URAD: variants seen among roughly 807,000 people sequenced by gnomAD.
URAD encodes putative 2-oxo-4-hydroxy-4-carboxy-5-ureidoimidazoline decarboxylase.
In URAD, 4 loss-of-function variants were observed where a neutral mutation model predicts 4.6. The observed-to-expected ratio is 0.87, with a 90% CI of 0.43 to 1.98. URAD has a LOEUF of 1.98. URAD is among the 30% of genes most tolerant of loss of function. The pLI, the probability that URAD is intolerant of heterozygous loss-of-function variation, is 0.03. For missense variants in URAD, 300 were observed against 255.3 expected (o/e 1.18, Z -1.19); for synonymous variants, 144 against 118.2 (o/e 1.22, Z -1.41).
chr13:27,988,209 G>A (rs1347533214), intron 1 of URAD, among the ~76,000 whole-genome samples: 5 of 152,002 alleles, frequency 3.3e-5, no homozygotes, highest in South Asian at 2.1e-4. Flanking sequence ...CACCCACCTC[G>A]GCCTCCCAAA....
chr13:27,988,336 C>T, intron 1 of URAD, 127 bp downstream of exon 1: 1 of 903,112 alleles, frequency 1.1e-6, no homozygotes. Context: ...AAGTGATCCT[C>T]CCATCTCAGC....
chr13:27,981,028 C>CTCTCCT (rs149754765), intron 1 of URAD, among the ~76,000 whole-genome samples: 10 of 117,216 alleles, frequency 8.5e-5, no homozygotes, highest in Middle Eastern at 8.4e-3. Context: ...CTCTCTCTCT[C>CTCTCCT]CTCTCTCTCT....
intron 1 of URAD, among the ~76,000 whole-genome samples, chr13:27,981,201 G>T (rs909474073): frequency 2.0e-5 from 3 of 152,150 alleles, no homozygotes; most frequent in Non-Finnish European, 4.4e-5. Flanking sequence ...CATCGGGAAT[G>T]GTGTCTATGT....
intron 1 of URAD, among the ~76,000 whole-genome samples, chr13:27,985,322 G>A (rs1869994902): frequency 6.6e-6 from 1 of 151,942 alleles, no homozygotes; most frequent in Non-Finnish European, 1.5e-5. Context: ...GCTGGGCATG[G>A]TGGCAGGTGC....
intron 1 of URAD, among the ~76,000 whole-genome samples, chr13:27,982,095 T>C (rs1301549213): frequency 6.6e-6 from 1 of 151,924 alleles, no homozygotes. Context: ...TTTCTCAACC[T>C]CTCCAGACCA....
chr13:27,978,463 GCA>G lies in URAD; in HGVS notation c.176-13_176-12del. On this transcript the variant is annotated splice_polypyrimidine_tract_variant and intron_variant, in intron 1 of 1. Transcript: ENST00000332715. ...GGATGCCCTCCTGGCCTGCGGAGAA[GCA>G]CAGACACCGGCGGGAGCGCGTCAAC... is the stretch of plus-strand genomic sequence containing the variant. The G allele has an allele frequency of 1.5e-6, 2 of 1,312,752 alleles. No homozygotes were observed. Among genetic ancestry groups the G allele is most frequent in the Non-Finnish European group, 1.9e-6 (2 of 1,035,892 alleles). 81.3% of individuals were successfully genotyped at this position (1,312,752 alleles called of 1,614,324 possible).
In URAD at chr13:27,977,931, T is replaced by A. The variant is rs1386910059; in HGVS notation, c.*175A>T. ...TTTTGGCAACGCGTGCGCGTGTGGG[T>A]GGGCGGACAAAAGGACTCATTACTC... On this transcript the variant is annotated 3_prime_UTR_variant, in exon 2 of 2. Coordinates refer to ENST00000332715, the MANE Select transcript of URAD (RefSeq NM_001105577.2). The A allele has an allele frequency of 3.7e-6, 2 of 539,542 alleles. No homozygotes were observed. Among genetic ancestry groups the A allele is most frequent in the Admixed American group, 4.3e-5 (1 of 23,066 alleles). 33.4% of individuals were successfully genotyped at this position (539,542 alleles called of 1,614,324 possible). A position where few individuals can be genotyped will look rare whatever the true frequency, so the allele number is the denominator to read the frequency against.
chr13:27,978,050 G>C lies in URAD; in HGVS notation c.*56C>G, dbSNP rs1869758895. On this transcript the variant is annotated 3_prime_UTR_variant, in exon 2 of 2. Transcript: ENST00000332715. ...CTCCCGCCCAGGACGCACAGCTCCG[G>C]GCCGTGGCCCCCGCGCGTCCGGTTG... The C allele has an allele frequency of 1.5e-6, 2 of 1,371,674 alleles. No homozygotes were observed. The highest frequency in any genetic ancestry group is 6.9e-5 in the Admixed American group (2 of 29,080). The allele number at this position is 1,371,674 out of a possible 1,614,324, so 85.0% of individuals were successfully genotyped here.
In URAD at chr13:27,978,289, C is replaced by A; in HGVS notation, c.339G>T (p.Ala113=). The A allele has an allele frequency of 7.1e-7, 1 of 1,414,592 alleles. No homozygotes were observed. The highest frequency in any genetic ancestry group is 1.5e-5 in the South Asian group (1 of 66,620). 87.6% of individuals were successfully genotyped at this position (1,414,592 alleles called of 1,614,324 possible). A position where few individuals can be genotyped will look rare whatever the true frequency, so the allele number is the denominator to read the frequency against. Residue 113 remains alanine (A), a synonymous_variant, in exon 2 of 2, where the codon GCG becomes GCT. Coordinates refer to ENST00000332715, the MANE Select transcript of URAD (RefSeq NM_001105577.2). Reference sequence around the variant, plus strand: ...CGAGCACGAAGGGGAAACCGAAGCGCGCGCGGTACTGCGCGTTGAGCTCGG... The same window carrying A: ...CGAGCACGAAGGGGAAACCGAAGCGAGCGCGGTACTGCGCGTTGAGCTCGG... ...RLAELNAQYR[A]RFGFPFVLAA... is the part of the protein sequence containing the mutation.
At chr13:27,978,547 TGCCCC>T (rs1311469272) in intron 1 of URAD, 95 bp from the exon 2 acceptor site, 27 of 960,022 alleles carry the variant, frequency 2.8e-5, no homozygotes, top group African/African-American at 1.0e-4. Context: ...CCGGCCCCCC[TGCCCC>T]GCCCCGCCCC....
intron 1 of URAD, among the ~76,000 whole-genome samples, chr13:27,985,108 A>G (rs1869988655): frequency 6.6e-6 from 1 of 152,226 alleles, no homozygotes; most frequent in South Asian, 2.1e-4. Context: ...AAGCTTTTTA[A>G]TATATCTATC....
At chr13:27,979,923 C>T (rs2137555004) in intron 1 of URAD, among the ~76,000 whole-genome samples, 1 of 152,272 alleles carries the variant, frequency 6.6e-6, no homozygotes, top group Middle Eastern at 3.4e-3. Flanking sequence ...TAGTGACCTG[C>T]CTAGGGTCAC....
intron 1 of URAD, among the ~76,000 whole-genome samples, chr13:27,983,950 C>T (rs746532462): frequency 2.6e-5 from 4 of 152,202 alleles, no homozygotes; most frequent in Non-Finnish European, 5.9e-5. Context: ...TTATAAGGAA[C>T]TTATTAGTAT....
chr13:27,988,610 C>T lies in URAD; in HGVS notation c.28G>A (p.Asp10Asn). ...AACACATCCACGAATTCTCCAAGGT[C>T]CATGGAGTTGACCTTCTCAATGTCC... MDIEKVNSM[D>N]LGEFVDVFGN... Residue 10 changes from aspartate (D) to asparagine (N), a missense_variant, in exon 1 of 2, where the codon GAC becomes AAC. Coordinates refer to ENST00000332715, the MANE Select transcript of URAD (RefSeq NM_001105577.2). 6.2e-7 allele frequency: 1 copy of T among 1,612,176 alleles called. No homozygotes were observed. The highest frequency in any genetic ancestry group is 8.5e-7 in the Non-Finnish European group (1 of 1,179,028).
At chr13:27,988,044 C>T (rs958909498) in intron 1 of URAD, among the ~76,000 whole-genome samples, 1 of 152,152 alleles carries the variant, frequency 6.6e-6, no homozygotes, top group Non-Finnish European at 1.5e-5. Context: ...CTGCAATCTC[C>T]GCTTCCCAGG....
Position 27,988,524 on chromosome 13 carries a change from GAA to G in URAD, c.112_113del (p.Phe38LeufsTer2), listed in dbSNP as rs1391544930. The part of the protein sequence containing the change: ...IAAAVWSQRP[F>X]SDLEDLEKHF... ...GCTTCTCTAAATCTTCCAAATCAGA[GAA>G]TGGCCGCTGGGACCAAACAGCAGCT... On this transcript the variant is annotated frameshift_variant, in exon 1 of 2. Coordinates refer to ENST00000332715, the MANE Select transcript of URAD (RefSeq NM_001105577.2). LOFTEE classifies it high-confidence loss of function. The G allele has an allele frequency of 6.2e-7, 1 of 1,613,796 alleles. No homozygotes were observed. Among genetic ancestry groups the G allele is most frequent in the Admixed American group, 1.7e-5 (1 of 59,984 alleles).
At position 27,978,831 on chromosome 13, in the gene URAD, G is replaced by A. The variant is rs181019202; in HGVS notation, c.176-379C>T. Among the ~76,000 whole-genome samples the A allele has an allele frequency of 2.2e-3, 342 of 152,296 alleles. 2 individuals carry two copies. Among genetic ancestry groups the A allele is most frequent in the African/African-American group, 7.8e-3 (326 of 41,562 alleles). On this transcript the variant is annotated intron_variant, in intron 1 of 1. Transcript: ENST00000332715. ...TACGACTAGGTCGGGAGGGAGCAGA[G>A]ACGCGATAAGGATCCTGAGCTTTTC...
Position 27,978,449 on chromosome 13 carries a change from T to C in URAD, c.179A>G (p.Gln60Arg), listed in dbSNP as rs1197555335. 23 of 1,333,406 alleles carry C rather than the reference T, an allele frequency of 1.7e-5. 1 individual carries two copies. Among genetic ancestry groups the C allele is most frequent in the Middle Eastern group, 2.7e-4 (1 of 3,692 alleles). The allele number at this position is 1,333,406 out of a possible 1,614,324, so 82.6% of individuals were successfully genotyped here. A position where few individuals can be genotyped will look rare whatever the true frequency, so the allele number is the denominator to read the frequency against. The change falls in exon 2 of 2, where the codon CAG becomes CGG. Residue 60 changes from glutamine (Q) to arginine (R), a missense_variant. Gln to Arg is a conservative substitution (Grantham distance 43, BLOSUM62 1). Coordinates refer to ENST00000332715, the MANE Select transcript of URAD (RefSeq NM_001105577.2). ...AFIDALAQSG[Q>R]EGILRCHPDL... is the part of the protein sequence containing the mutation. ...CGGGTGGCAGCGCAGGATGCCCTCC[T>C]GGCCTGCGGAGAAGCACAGACACCG... is the stretch of plus-strand genomic sequence containing the variant.
At chr13:27,987,955 T>C (rs79223309) in intron 1 of URAD, among the ~76,000 whole-genome samples, 5,122 of 151,482 alleles carry the variant, frequency 0.034, 237 homozygotes, top group African/African-American at 0.11. Flanking sequence ...CAACTTTTTT[T>C]GTTGTTTTTT....
Sources: gnomAD v4.1 joint callset for allele counts (sites outside exome capture counted in the v4.1 genomes callset) on GRCh38, gnomAD v4.1.1 for gene constraint, MANE v1.5 for transcripts, NCBI Gene and HGNC (gene_info 2026-07-23, HGNC 2026-07-21) for gene names.